The following CFAP74 variants were observed in gnomAD, a reference collection of about 807,000 sequenced individuals.
CFAP74 encodes the protein cilia- and flagella-associated protein 74.
CFAP74 carries 124 observed loss-of-function variants against 188.9 expected under a neutral mutation model. That is an observed-to-expected ratio of 0.66 (90% confidence interval 0.57 to 0.76). The LOEUF (loss-of-function observed/expected upper bound fraction) is 0.76, where lower values mean the gene tolerates loss of function less well. Ranked by LOEUF, CFAP74 falls within the 30% of genes least tolerant of loss-of-function variation. CFAP74 has a pLI of 0.00. For missense variants in CFAP74, 2,198 were observed against 2,165.2 expected, an observed-to-expected ratio of 1.02 and a Z score of -0.30; for synonymous variants, 956 against 916.7, an observed-to-expected ratio of 1.04 and a Z score of -0.77.
In CFAP74 at chr1:1,963,878, C is replaced by G. The variant is rs748901697; in HGVS notation, c.1576-11G>C. The stretch of plus-strand genomic sequence containing the variant: ...GCCAATATCAAAGTCCTGGGAAAGG[C>G]CGAGGTAGCAGCTTCAGAGCGGGTC... On this transcript the variant is annotated splice_polypyrimidine_tract_variant and intron_variant, in intron 13 of 38. Transcript: ENST00000682832. 4 of 1,572,476 alleles carry G rather than the reference C, an allele frequency of 2.5e-6. No individual in the cohort carries two copies.
rs987683196 is a variant in CFAP74, at chr1:1,970,942, C to A, written c.889-126G>T. On this transcript the variant is annotated intron_variant, in intron 9 of 38. Coordinates refer to ENST00000682832, the MANE Select transcript of CFAP74 (RefSeq NM_001304360.2). ...GTGCACACACGTGCACACACACATG[C>A]ACACCTGCACATGCACACATCACAC... is the stretch of plus-strand genomic sequence containing the variant. The A allele has an allele frequency of 4.4e-6, 5 of 1,132,800 alleles. No homozygotes were observed. In the African/African-American group the frequency reaches 6.2e-5, roughly 14 times the overall value. The allele number at this position is 1,132,800 out of a possible 1,614,324, so 70.2% of individuals were successfully genotyped here.
In CFAP74 at chr1:1,975,109, C is replaced by T. The variant is rs553567873; in HGVS notation, c.501-911G>A. Among the ~76,000 whole-genome samples the T allele has an allele frequency of 1.1e-4, 16 of 152,260 alleles. No homozygotes were observed. The highest frequency in any genetic ancestry group is 2.1e-4 in the Non-Finnish European group (14 of 68,050). ...CTGACATTCCACGTGACGTGTGCCACAGCTCTGTCCTAGACACCCGCGATC... is the reference window on the plus strand; with the variant it reads ...CTGACATTCCACGTGACGTGTGCCATAGCTCTGTCCTAGACACCCGCGATC... On this transcript the variant is annotated intron_variant, in intron 6 of 38. Coordinates refer to ENST00000682832, the MANE Select transcript of CFAP74 (RefSeq NM_001304360.2). This position sits in a 1 kb window ranked among gnomAD's most constrained non-coding sequence, Gnocchi z 4.5.
rs1652821367 is a variant in CFAP74, at chr1:1,935,433, C to CGTGT, written c.3011+3418_3011+3421dup. ...GTGGGTGTTAGGTTGTAGGTACACA[C>CGTGT]GTGTGTACGTGGGTGTTAGGTTGTA... is the stretch of plus-strand genomic sequence containing the variant. On this transcript the variant is annotated intron_variant, in intron 25 of 38. Transcript: ENST00000682832. Among the ~76,000 whole-genome samples, 2 of 88,814 alleles carry CGTGT rather than the reference C, an allele frequency of 2.3e-5. 1 individual carries two copies. Among genetic ancestry groups the CGTGT allele is most frequent in the Non-Finnish European group, 4.7e-5 (2 of 42,342 alleles). 58.3% of individuals were successfully genotyped at this position (88,814 alleles called of 152,430 possible).
At position 1,926,250 on chromosome 1, in the gene CFAP74, A is replaced by C; in HGVS notation, c.3926T>G (p.Phe1309Cys). The C allele has an allele frequency of 6.6e-7, 1 of 1,523,856 alleles. No individual in the cohort carries two copies. The highest frequency in any genetic ancestry group is 8.8e-7 in the Non-Finnish European group (1 of 1,132,812). The allele number at this position is 1,523,856 out of a possible 1,614,324, so 94.4% of individuals were successfully genotyped here. A position where few individuals can be genotyped will look rare whatever the true frequency, so the allele number is the denominator to read the frequency against. The part of the protein sequence containing the change: ...AGGTQVLVLS[F>C]SPHESILAQE... ...CACCAGGATGCTCTCGTGGGGAGAGAAGGAAAGCACCAGGACCTGGGTCCC... is the reference window on the plus strand; with the variant it reads ...CACCAGGATGCTCTCGTGGGGAGAGCAGGAAAGCACCAGGACCTGGGTCCC... The change falls in exon 32 of 39, where the codon TTC (phenylalanine) becomes TGC (cysteine). Residue 1309 changes from phenylalanine to cysteine, a missense_variant. Phe to Cys is a radical substitution (Grantham distance 205). Transcript: ENST00000682832.
chr1:1,927,105 G>C, intron 28 of CFAP74, 77 bp from the exon 29 acceptor site: 2 of 1,516,138 alleles, frequency 1.3e-6, no homozygotes, highest in Non-Finnish European at 1.8e-6. Context: ...CTGCGGCTCT[G>C]CCTCAGGGTC....
intron 11 of CFAP74, among the ~76,000 whole-genome samples, chr1:1,967,138 G>A (rs578130433): frequency 6.6e-6 from 1 of 152,276 alleles, no homozygotes; most frequent in African/African-American, 2.4e-5. Flanking sequence ...GCCTGGCGCA[G>A]TTCTCATTTC....
rs888302147 is a variant in CFAP74 at position 1,943,460 on chromosome 1, G to A, written c.2486+871C>T. Among the ~76,000 whole-genome samples the A allele has an allele frequency of 4.0e-4, 61 of 152,252 alleles. 1 individual carries two copies. Among genetic ancestry groups the A allele is most frequent in the Admixed American group, 2.7e-3 (41 of 15,288 alleles). On this transcript the variant is annotated intron_variant, in intron 21 of 38. Transcript: ENST00000682832. ...GGGAGAGGTGGCTGTGCCTGGGGCC[G>A]GTGCCCGGGGCCTCTGTGTCCGCAC... is the stretch of plus-strand genomic sequence containing the variant.
chr1:1,939,561 C>A (rs1294132937), intron 24 of CFAP74, 33 bp downstream of exon 24: 1 of 1,521,470 alleles, frequency 6.6e-7, no homozygotes, highest in Non-Finnish European at 8.8e-7. Context: ...CCAGCCTCAC[C>A]CCTCTTACCC....
intron 12 of CFAP74, among the ~76,000 whole-genome samples, chr1:1,965,675 C>A (rs1026411808): frequency 6.6e-6 from 1 of 152,172 alleles, no homozygotes; most frequent in Non-Finnish European, 1.5e-5. Context: ...GCACTTGGCA[C>A]CCTCCTCTTG....
At position 1,985,465 on chromosome 1, in the gene CFAP74, C is replaced by G; in HGVS notation, c.421G>C (p.Val141Leu). The G allele has an allele frequency of 6.2e-7, 1 of 1,613,938 alleles. No individual in the cohort carries two copies. Among genetic ancestry groups the G allele is most frequent in the East Asian group, 2.2e-5 (1 of 44,880 alleles). ...AGCTCTGCAAACAGGCGTCTGGACA[C>G]GGCCTGGAGGCGGCCCACAGCGGCC... ...NMAAVGRLQAVSRRLFAELEN... is the reference protein window; with the variant it reads ...NMAAVGRLQALSRRLFAELEN... Residue 141 changes from valine to leucine, a missense_variant, in exon 6 of 39, where the codon GTG (valine) becomes CTG (leucine). Physicochemically the swap from Val to Leu is conservative, Grantham distance 32. Transcript: ENST00000682832.
Position 1,990,819 on chromosome 1 carries a change from G to T in CFAP74, c.67+71C>A. 5 of 1,176,250 alleles carry T rather than the reference G, an allele frequency of 4.3e-6. No homozygotes were observed. In the South Asian group the frequency reaches 6.7e-5, roughly 16 times the overall value. The allele number at this position is 1,176,250 out of a possible 1,614,324, so 72.9% of individuals were successfully genotyped here. A position where few individuals can be genotyped will look rare whatever the true frequency, so the allele number is the denominator to read the frequency against. On this transcript the variant is annotated intron_variant, in intron 2 of 38. Coordinates refer to ENST00000682832, the MANE Select transcript of CFAP74 (RefSeq NM_001304360.2). ...TCCCAGAAATAAAGGGAATTAAAGG[G>T]CTACTATGAAGCATGTCATTTGTTT...
Position 1,923,015 on chromosome 1 carries a change from ACAGCCCACCTG to A in CFAP74, c.4642_4652del (p.Gln1548TyrfsTer13). On this transcript the variant is annotated frameshift_variant, in exon 37 of 39. Transcript: ENST00000682832. LOFTEE classifies it high-confidence loss of function. This position sits in a 1 kb window ranked among gnomAD's most constrained non-coding sequence, Gnocchi z 6.3. ...TTGGAGATGGCTGGGTGGTCCGGAT[ACAGCCCACCTG>A]CAGCTCTCGGGTGGCAGGTGGGGCT... 1 of 1,597,188 alleles carries A rather than the reference ACAGCCCACCTG, an allele frequency of 6.3e-7. No individual in the cohort carries two copies. Among genetic ancestry groups the A allele is most frequent in the Non-Finnish European group, 8.5e-7 (1 of 1,174,296 alleles).
chr1:1,995,647 C>T (rs1442032471), intron 1 of CFAP74, among the ~76,000 whole-genome samples: 19 of 152,136 alleles, frequency 1.2e-4, no homozygotes, highest in East Asian at 7.8e-4. Flanking sequence ...CGGTGGCTCA[C>T]GCCTGTAATC....
At chr1:1,930,409 A>G (rs1652280292) in intron 25 of CFAP74, 73 bp from the exon 26 acceptor site, 1 of 1,421,276 alleles carries the variant, frequency 7.0e-7, no homozygotes, top group Non-Finnish European at 9.3e-7. Context: ...CGCGGGGGCC[A>G]CTGGGTGGAG....
chr1:1,970,129 CAG>C (rs145768145), intron 10 of CFAP74, among the ~76,000 whole-genome samples: 2,386 of 152,258 alleles, frequency 0.016, 63 homozygotes, highest in African/African-American at 0.054. Flanking sequence ...TGGAGAAGAA[CAG>C]AGAGTGAAGC....
chr1:1,977,878 G>A (rs1656553203), intron 6 of CFAP74, among the ~76,000 whole-genome samples: 1 of 152,142 alleles, frequency 6.6e-6, no homozygotes, highest in African/African-American at 2.4e-5. Flanking sequence ...CTCGCTCTGT[G>A]GCCCAGGCTG....
intron 28 of CFAP74, 143 bp from the exon 29 acceptor site, chr1:1,927,171 T>C: frequency 2.2e-6 from 2 of 902,138 alleles, no homozygotes; most frequent in East Asian, 2.7e-5. Flanking sequence ...ACAAACTGGC[T>C]TTTCCACCCT....
intron 18 of CFAP74, among the ~76,000 whole-genome samples, chr1:1,952,590 A>AAAAG (rs58267869): frequency 0.3 from 44,996 of 148,452 alleles, 7,011 homozygotes; most frequent in South Asian, 0.37. Flanking sequence ...GAAGCAAAGA[A>AAAAG]AAAGAAAGAA....
intron 27 of CFAP74, chr1:1,928,076 G>T (rs762754903): frequency 7.4e-6 from 3 of 407,310 alleles, no homozygotes; most frequent in Non-Finnish European, 1.4e-5. Context: ...GCTTCCCCTC[G>T]AGTGCACGCC....
Sources: allele counts gnomAD v4.1 joint callset (sites outside exome capture counted in the v4.1 genomes callset), GRCh38; gene constraint gnomAD v4.1.1; non-coding constraint Gnocchi (gnomAD v3.1); transcripts MANE v1.5; gene names NCBI Gene and HGNC (gene_info 2026-07-23, HGNC 2026-07-21).